The following SEMA3C variants were observed in gnomAD, a reference collection of about 807,000 sequenced individuals.
The protein encoded by SEMA3C is semaphorin 3C.
Under a neutral mutation model 89.4 loss-of-function variants are expected in SEMA3C, and 47 were observed. The ratio of observed to expected loss-of-function variants is 0.53; its 90% CI spans 0.42 to 0.67. SEMA3C has a LOEUF of 0.67. Among genes scored for constraint, SEMA3C ranks in the 30% least tolerant of loss-of-function variants. The pLI is 0.00. For synonymous variants in SEMA3C, 310 were observed against 320.2 expected (o/e 0.97, Z 0.34); for missense variants, 839 against 929.1 (o/e 0.90, Z 1.26).
At chr7:80,753,601 T>C (rs1486122619) in intron 15 of SEMA3C, among the ~76,000 whole-genome samples, 1 of 152,188 alleles carries the variant, frequency 6.6e-6, no homozygotes, top group Non-Finnish European at 1.5e-5. Flanking sequence ...ATTCCCTCCA[T>C]GGCACTCACA....
chr7:80,812,590 A>G (rs1308758765), intron 5 of SEMA3C, among the ~76,000 whole-genome samples: 1 of 152,078 alleles, frequency 6.6e-6, no homozygotes, highest in Non-Finnish European at 1.5e-5. Flanking sequence ...TTTGCTCTCA[A>G]CTGACCTACT....
At chr7:80,873,492 G>A (rs1423157425) in intron 2 of SEMA3C, among the ~76,000 whole-genome samples, 2 of 152,240 alleles carry the variant, frequency 1.3e-5, no homozygotes. Context: ...TCTCTTAAAC[G>A]AATCAAATCA....
intron 2 of SEMA3C, among the ~76,000 whole-genome samples, chr7:80,836,802 A>G (rs1790140294): frequency 6.6e-6 from 1 of 152,136 alleles, no homozygotes; most frequent in Non-Finnish European, 1.5e-5. Flanking sequence ...TCTTGAAACA[A>G]TGATTCTCGC....
chr7:80,881,456 C>A (rs185878124), intron 2 of SEMA3C, among the ~76,000 whole-genome samples: 1 of 152,114 alleles, frequency 6.6e-6, no homozygotes, highest in Non-Finnish European at 1.5e-5. Context: ...AGAATTGATA[C>A]TTCCTCTGAG....
intron 12 of SEMA3C, among the ~76,000 whole-genome samples, chr7:80,771,612 A>C (rs1788436051): frequency 6.6e-6 from 1 of 152,184 alleles, no homozygotes; most frequent in Non-Finnish European, 1.5e-5. Context: ...CGAGTGATCA[A>C]ACACAGCTCA....
intron 4 of SEMA3C, 39 bp from the exon 5 acceptor site, chr7:80,818,457 A>G: frequency 6.3e-7 from 1 of 1,593,720 alleles, no homozygotes; most frequent in Non-Finnish European, 8.6e-7. Context: ...TAACTCAATG[A>G]CTTTCATTGT....
chr7:80,865,495 A>G (rs904141940), intron 2 of SEMA3C, among the ~76,000 whole-genome samples: 1 of 152,102 alleles, frequency 6.6e-6, no homozygotes, highest in Non-Finnish European at 1.5e-5. Context: ...ATCTTTAAGA[A>G]TGCATATCAA....
At chr7:80,760,021 A>T (rs1195032743) in intron 14 of SEMA3C, among the ~76,000 whole-genome samples, 1 of 152,214 alleles carries the variant, frequency 6.6e-6, no homozygotes, top group Non-Finnish European at 1.5e-5. Flanking sequence ...GAGTAAAAGA[A>T]CAAATTAAAA....
intron 12 of SEMA3C, among the ~76,000 whole-genome samples, chr7:80,785,789 G>T (rs1009391073): frequency 1.2e-4 from 19 of 152,090 alleles, no homozygotes; most frequent in Non-Finnish European, 2.2e-4. Flanking sequence ...TGTATTTTTA[G>T]TAGAGATGGG....
chr7:80,808,723 A>C (rs1481189732), intron 6 of SEMA3C, among the ~76,000 whole-genome samples: 1 of 152,140 alleles, frequency 6.6e-6, no homozygotes, highest in Non-Finnish European at 1.5e-5. Flanking sequence ...CAAAGAGGAA[A>C]AGACGTCTAC....
chr7:80,837,724 A>C (rs1790165975), intron 2 of SEMA3C, among the ~76,000 whole-genome samples: 1 of 152,140 alleles, frequency 6.6e-6, no homozygotes, highest in Non-Finnish European at 1.5e-5. Context: ...GTTTTGATGT[A>C]ATTTAAACAG....
intron 2 of SEMA3C, among the ~76,000 whole-genome samples, chr7:80,853,716 C>T (rs970447704): frequency 3.3e-5 from 5 of 152,110 alleles, no homozygotes; most frequent in Non-Finnish European, 7.4e-5. Flanking sequence ...GATAGCACAA[C>T]AGGCTAACTA....
intron 2 of SEMA3C, among the ~76,000 whole-genome samples, chr7:80,899,797 A>C (rs1791833055): frequency 6.6e-6 from 1 of 152,204 alleles, no homozygotes; most frequent in African/African-American, 2.4e-5. Flanking sequence ...CTTAAATGTT[A>C]GCAGCTGATT....
rs977219783 is a variant in SEMA3C at position 80,776,984 on chromosome 7, GTGAT to G, written c.1355-11745_1355-11742del. On this transcript the variant is annotated intron_variant, in intron 12 of 17. Transcript: ENST00000265361. ...TATATGATATATATCATAGATATGTGTGATTGATTTCAATAACAGATATTATATA... is the reference window on the plus strand; with the variant it reads ...TATATGATATATATCATAGATATGTGTGATTTCAATAACAGATATTATATA... Among the ~76,000 whole-genome samples, 80 of 152,156 alleles carry G rather than the reference GTGAT, an allele frequency of 5.3e-4. No homozygotes were observed. In the Middle Eastern group the frequency reaches 0.024, roughly 45 times the overall value.
At chr7:80,778,416 C>T (rs1261443810) in intron 12 of SEMA3C, among the ~76,000 whole-genome samples, 1 of 152,158 alleles carries the variant, frequency 6.6e-6, no homozygotes, top group Non-Finnish European at 1.5e-5. Context: ...TAATCCTTTA[C>T]TGTTTGGGGA....
intron 2 of SEMA3C, among the ~76,000 whole-genome samples, chr7:80,864,694 AT>A (rs1790884629): frequency 6.6e-6 from 1 of 152,190 alleles, no homozygotes; most frequent in African/African-American, 2.4e-5. Context: ...ATAGATTCAC[AT>A]AGATGCAGAT....
intron 2 of SEMA3C, among the ~76,000 whole-genome samples, chr7:80,838,064 C>T (rs930800964): frequency 2.0e-5 from 3 of 151,614 alleles, no homozygotes; most frequent in Non-Finnish European, 4.4e-5. Flanking sequence ...GAGCATAAAC[C>T]AATCAAATGG....
chr7:80,879,338 G>C (rs528835527), intron 2 of SEMA3C, among the ~76,000 whole-genome samples: 2 of 152,308 alleles, frequency 1.3e-5, no homozygotes, highest in South Asian at 2.1e-4. Flanking sequence ...AGTTCTTTTA[G>C]AGACAAAGGA....
intron 11 of SEMA3C, among the ~76,000 whole-genome samples, chr7:80,789,814 A>G (rs894382816): frequency 1.3e-5 from 2 of 152,188 alleles, no homozygotes; most frequent in Admixed American, 1.3e-4. Context: ...CTTCTCACTC[A>G]CCACTTTTCT....
Sources: gnomAD v4.1 joint callset for allele counts (sites outside exome capture counted in the v4.1 genomes callset) on GRCh38, gnomAD v4.1.1 for gene constraint, MANE v1.5 for transcripts, NCBI Gene and HGNC (gene_info 2026-07-23, HGNC 2026-07-21) for gene names.